FKBP1B: variants seen among roughly 807,000 people sequenced by gnomAD.
FKBP1B encodes the protein peptidyl-prolyl cis-trans isomerase FKBP1B.
Under a neutral mutation model 13.5 loss-of-function variants are expected in FKBP1B, and 4 were observed. That is an observed-to-expected ratio of 0.30 (90% confidence interval 0.15 to 0.68). The LOEUF (loss-of-function observed/expected upper bound fraction) is 0.68, where lower values mean the gene tolerates loss of function less well. Ranked by LOEUF, FKBP1B falls within the 30% of genes least tolerant of loss-of-function variation. The probability of loss-of-function intolerance (pLI) is 0.76; values close to 1 mark genes in which losing one functional copy is unlikely to be tolerated. For synonymous variants in FKBP1B, 54 were observed against 53.6 expected (o/e 1.01, Z -0.03); for missense variants, 93 against 136.2 (o/e 0.68, Z 1.58).
At chr2:24,060,638 G>C (rs553890920) in intron 2 of FKBP1B, among the ~76,000 whole-genome samples, 176 bp from the exon 3 acceptor site, 4 of 152,280 alleles carry the variant, frequency 2.6e-5, no homozygotes, top group African/African-American at 9.6e-5. Flanking sequence ...GGCAGTATGT[G>C]GGGGTGAGGC....
At chr2:24,053,404 C>T (rs1047021280) in intron 1 of FKBP1B, among the ~76,000 whole-genome samples, 1 of 149,174 alleles carries the variant, frequency 6.7e-6, no homozygotes, top group African/African-American at 2.5e-5. Flanking sequence ...GCTGAGATTA[C>T]AGATGTGAGC....
the FKBP1B span, among the ~76,000 whole-genome samples, chr2:24,036,065 AAAAT>A: frequency 0.034 from 4,778 of 140,368 alleles, 257 homozygotes; most frequent in African/African-American, 0.12. Context: ...CTCCGTCTCA[AAAAT>A]AAATAAATAA....
the FKBP1B span, chr2:24,039,153 G>A: frequency 6.2e-7 from 1 of 1,614,238 alleles, no homozygotes; most frequent in Non-Finnish European, 8.5e-7. Context: ...CCTGGGGAAG[G>A]ATAGGTAGTG....
chr2:24,047,640 C>G (rs1663670929), upstream of FKBP1B, among the ~76,000 whole-genome samples: 1 of 152,214 alleles, frequency 6.6e-6, no homozygotes. Flanking sequence ...ATTTTCCCTC[C>G]CTTAAGCACT....
chr2:24,052,343 C>T (rs376187786), intron 1 of FKBP1B, among the ~76,000 whole-genome samples: 16 of 152,168 alleles, frequency 1.1e-4, no homozygotes, highest in African/African-American at 3.1e-4. Flanking sequence ...GTATTAAATC[C>T]GGCTCTTCAA....
the FKBP1B span, among the ~76,000 whole-genome samples, chr2:24,035,479 TAC>T: frequency 6.6e-6 from 1 of 152,096 alleles, no homozygotes; most frequent in South Asian, 2.1e-4. Context: ...TTTATTAAAA[TAC>T]AGTTTTGCTT....
the FKBP1B span, chr2:24,037,982 T>C: frequency 3.1e-6 from 5 of 1,614,100 alleles, no homozygotes; most frequent in African/African-American, 5.3e-5. Context: ...TCACAGATAC[T>C]AGACAGAGGA....
the FKBP1B span, chr2:24,038,547 A>G: frequency 6.2e-7 from 1 of 1,614,262 alleles, no homozygotes; most frequent in African/African-American, 1.3e-5. Context: ...CCAAATGTGA[A>G]GAATCTTGGC....
upstream of FKBP1B, among the ~76,000 whole-genome samples, chr2:24,046,546 T>G (rs996516896): frequency 2.0e-5 from 3 of 152,142 alleles, no homozygotes; most frequent in Non-Finnish European, 4.4e-5. Flanking sequence ...TTTAATTCTG[T>G]TTTTCATCTT....
chr2:24,061,154 C>T (rs930418232), intron 3 of FKBP1B, among the ~76,000 whole-genome samples: 1 of 152,126 alleles, frequency 6.6e-6, no homozygotes, highest in Non-Finnish European at 1.5e-5. Context: ...AAGCACATCC[C>T]CCTAGGCTTG....
At chr2:24,060,457 C>T (rs1200441563) in intron 2 of FKBP1B, among the ~76,000 whole-genome samples, 1 of 152,088 alleles carries the variant, frequency 6.6e-6, no homozygotes, top group Non-Finnish European at 1.5e-5. Context: ...GAGGCTGAGG[C>T]AGAAGAATCG....
At chr2:24,039,570 A>C in the FKBP1B span, 1 of 1,505,896 alleles carries the variant, frequency 6.6e-7, no homozygotes, top group African/African-American at 1.4e-5. Context: ...TCTAGAATGT[A>C]GGACATTTGG....
chr2:24,059,822 G>A (rs570055158), intron 2 of FKBP1B, among the ~76,000 whole-genome samples: 16 of 148,580 alleles, frequency 1.1e-4, no homozygotes, highest in Non-Finnish European at 1.5e-4. Context: ...TTGAACCCGG[G>A]AGGCGGAGGT....
chr2:24,053,277 A>C (rs1336219221), intron 1 of FKBP1B, among the ~76,000 whole-genome samples: 2 of 146,424 alleles, frequency 1.4e-5, no homozygotes, highest in Non-Finnish European at 3.0e-5. Flanking sequence ...ACACCCAGCT[A>C]ATTGAAAAGA....
At chr2:24,037,970 C>T in the FKBP1B span, 10 of 1,614,078 alleles carry the variant, frequency 6.2e-6, no homozygotes, top group Non-Finnish European at 8.5e-6. Flanking sequence ...GCTATGGAGC[C>T]ATCACAGATA....
chr2:24,055,591 A>G (rs1664089726), intron 2 of FKBP1B, among the ~76,000 whole-genome samples: 1 of 151,892 alleles, frequency 6.6e-6, no homozygotes, highest in South Asian at 2.1e-4. Flanking sequence ...CAGCGTAGGT[A>G]CTCTTTTGTG....
At chr2:24,044,814 C>CT (rs1171086987), upstream of FKBP1B, among the ~76,000 whole-genome samples, 128 of 106,982 alleles carry the variant, frequency 1.2e-3, no homozygotes, top group Middle Eastern at 0.019. Context: ...GCAGAATTAT[C>CT]TTTAAAAAAA....
the FKBP1B span, among the ~76,000 whole-genome samples, chr2:24,034,816 C>T: frequency 6.6e-6 from 1 of 152,104 alleles, no homozygotes; most frequent in East Asian, 1.9e-4. Flanking sequence ...CTCAAGTGAT[C>T]TACCCATCTC....
At chr2:24,039,488 A>G in the FKBP1B span, 1 of 1,608,936 alleles carries the variant, frequency 6.2e-7, no homozygotes, top group Admixed American at 1.7e-5. Flanking sequence ...CCTTTTCCCA[A>G]CTCCATCCTT....
Sources: gnomAD v4.1 joint callset for allele counts (sites outside exome capture counted in the v4.1 genomes callset) on GRCh38, gnomAD v4.1.1 for gene constraint, MANE v1.5 for transcripts, NCBI Gene and HGNC (gene_info 2026-07-23, HGNC 2026-07-21) for gene names.